Variants in ARHGAP28 observed in about 807,000 individuals in gnomAD.
ARHGAP28 encodes Rho GTPase activating protein 28.
A neutral mutation model predicts 90.7 loss-of-function variants in ARHGAP28; 56 were observed. That is an observed-to-expected ratio of 0.62 (90% CI 0.50 to 0.77). ARHGAP28 has a LOEUF of 0.77. ARHGAP28 is among the 30% of genes least tolerant of loss of function. The pLI is 0.00. For missense variants in ARHGAP28, 869 were observed against 900.9 expected (o/e 0.96, Z 0.45); for synonymous variants, 308 against 323.3 (o/e 0.95, Z 0.51).
At chr18:6,755,189 G>T (rs2056099765) in intron 1 of ARHGAP28, among the ~76,000 whole-genome samples, 1 of 152,002 alleles carries the variant, frequency 6.6e-6, no homozygotes, top group Admixed American at 6.6e-5. Flanking sequence ...AAAAAAGAAA[G>T]TAAATTTTTG....
chr18:6,910,883 C>T (rs1400371564), intron 17 of ARHGAP28, among the ~76,000 whole-genome samples: 7 of 134,658 alleles, frequency 5.2e-5, no homozygotes, highest in African/African-American at 1.1e-4. Context: ...CTCGCTCTGT[C>T]GCCCAGGCTG....
chr18:6,822,382 T>A (rs182768723), intron 1 of ARHGAP28, among the ~76,000 whole-genome samples: 1 of 152,276 alleles, frequency 6.6e-6, no homozygotes, highest in East Asian at 1.9e-4. Flanking sequence ...TGATTTCAGT[T>A]TTAAAAGAAG....
At chr18:6,874,827 T>C (rs2057118509) in intron 9 of ARHGAP28, 1 of 152,086 alleles carries the variant, frequency 6.6e-6, no homozygotes, top group Non-Finnish European at 1.5e-5. Flanking sequence ...GTGCCAGTGC[T>C]GTTTATGTAA....
chr18:6,843,578 G>T (rs1286731710), intron 3 of ARHGAP28, among the ~76,000 whole-genome samples: 1 of 152,144 alleles, frequency 6.6e-6, no homozygotes, highest in East Asian at 1.9e-4. Context: ...AATGTTCAGT[G>T]GTCTTTAGAA....
At chr18:6,862,127 G>C (rs992144085) in intron 5 of ARHGAP28, among the ~76,000 whole-genome samples, 1 of 152,178 alleles carries the variant, frequency 6.6e-6, no homozygotes, top group Non-Finnish European at 1.5e-5. Flanking sequence ...TTATTTGCTA[G>C]AGTGGCTCAC....
At chr18:6,801,251 CT>C (rs1178879515) in intron 1 of ARHGAP28, among the ~76,000 whole-genome samples, 1 of 152,134 alleles carries the variant, frequency 6.6e-6, no homozygotes, top group Non-Finnish European at 1.5e-5. Flanking sequence ...TGTTCCAGTA[CT>C]ATTTATTGAA....
At chr18:6,825,894 G>A (rs2056658723) in intron 2 of ARHGAP28, among the ~76,000 whole-genome samples, 1 of 152,022 alleles carries the variant, frequency 6.6e-6, no homozygotes. Context: ...CTTTGCAATT[G>A]TGAATAGCTT....
chr18:6,799,634 G>T (rs1028013156), intron 1 of ARHGAP28, among the ~76,000 whole-genome samples: 9 of 152,162 alleles, frequency 5.9e-5, no homozygotes, highest in African/African-American at 2.2e-4. Context: ...AATGAGGAAA[G>T]GATTCCCTGT....
At chr18:6,879,413 G>A (rs554394873) in intron 10 of ARHGAP28, among the ~76,000 whole-genome samples, 4 of 152,182 alleles carry the variant, frequency 2.6e-5, no homozygotes, top group African/African-American at 9.6e-5. Flanking sequence ...TTGCTGAAGG[G>A]AGATTTAATG....
At chr18:6,764,676 C>A (rs926521789) in intron 1 of ARHGAP28, among the ~76,000 whole-genome samples, 1 of 152,196 alleles carries the variant, frequency 6.6e-6, no homozygotes, top group African/African-American at 2.4e-5. Flanking sequence ...AGAGAGATTC[C>A]ATTTTTAAGC....
chr18:6,879,667 G>A (rs193120135), intron 10 of ARHGAP28, among the ~76,000 whole-genome samples: 6 of 152,358 alleles, frequency 3.9e-5, no homozygotes, highest in Admixed American at 2.0e-4. Flanking sequence ...CGCCGCATAC[G>A]CGTGGGATTC....
intron 7 of ARHGAP28, among the ~76,000 whole-genome samples, chr18:6,871,886 T>G (rs1435119730): frequency 6.6e-6 from 1 of 152,136 alleles, no homozygotes. Flanking sequence ...CTATTAATAA[T>G]GTAAGGTGGA....
At chr18:6,775,279 A>G (rs1283064250) in intron 1 of ARHGAP28, among the ~76,000 whole-genome samples, 1 of 152,248 alleles carries the variant, frequency 6.6e-6, no homozygotes, top group South Asian at 2.1e-4. Flanking sequence ...AATCATCTGC[A>G]TCAGAGCATT....
chr18:6,841,180 C>CTCTCTCCTCT (rs1491103592), intron 3 of ARHGAP28, among the ~76,000 whole-genome samples: 10 of 57,070 alleles, frequency 1.8e-4, no homozygotes, highest in African/African-American at 6.3e-4. Flanking sequence ...CTCTCTCTCT[C>CTCTCTCCTCT]CTCTCTCTCT....
chr18:6,841,859 T>C (rs1222654885), intron 3 of ARHGAP28, among the ~76,000 whole-genome samples: 5 of 152,216 alleles, frequency 3.3e-5, no homozygotes, highest in Admixed American at 2.6e-4. Flanking sequence ...TAGTTCATTT[T>C]TCAGGTTCTA....
chr18:6,824,363 C>T (rs2056646548), intron 1 of ARHGAP28, among the ~76,000 whole-genome samples: 1 of 151,904 alleles, frequency 6.6e-6, no homozygotes, highest in Non-Finnish European at 1.5e-5. Flanking sequence ...GTGGTGAAAC[C>T]CCGTCTCTAC....
In ARHGAP28 at chr18:6,837,422, A is replaced by G. The variant is rs906016538; in HGVS notation, c.543+8A>G. ...GGAGTCAGTGAATCTCCTGTAAGTA[A>G]TGGCTCAAACATGGCTCAAAAGGCG... On this transcript the variant is annotated splice_region_variant and intron_variant, in intron 3 of 17. Coordinates refer to ENST00000383472, the MANE Select transcript of ARHGAP28 (RefSeq NM_001366230.1). 6 of 1,284,808 alleles carry G rather than the reference A, an allele frequency of 4.7e-6. No homozygotes were observed. Among genetic ancestry groups the G allele is most frequent in the Non-Finnish European group, 6.3e-6 (6 of 949,286 alleles). 79.6% of individuals were successfully genotyped at this position (1,284,808 alleles called of 1,614,324 possible).
chr18:6,837,925 A>G (rs1371400936), intron 3 of ARHGAP28, among the ~76,000 whole-genome samples: 1 of 152,154 alleles, frequency 6.6e-6, no homozygotes, highest in Non-Finnish European at 1.5e-5. Flanking sequence ...GCATAAGGGA[A>G]ACATCCCATG....
At chr18:6,877,609 G>C (rs1338892033) in intron 10 of ARHGAP28, among the ~76,000 whole-genome samples, 1 of 152,188 alleles carries the variant, frequency 6.6e-6, no homozygotes, top group African/African-American at 2.4e-5. Context: ...CATGTTGAGG[G>C]GTTACGGCTT....
Sources: allele counts gnomAD v4.1 joint callset (sites outside exome capture counted in the v4.1 genomes callset), GRCh38; gene constraint gnomAD v4.1.1; transcripts MANE v1.5; gene names NCBI Gene and HGNC (gene_info 2026-07-23, HGNC 2026-07-21).